The following GALNT13 variants were observed in gnomAD, a reference collection of about 807,000 sequenced individuals.
GALNT13 encodes polypeptide N-acetylgalactosaminyltransferase 13, also known as UDP-GalNAc:polypeptide N-acetylgalactosaminyltransferase 13.
GALNT13 carries 28 observed loss-of-function variants against 64.2 expected under a neutral mutation model. The observed-to-expected ratio is 0.44, with a 90% CI of 0.32 to 0.60. The LOEUF (loss-of-function observed/expected upper bound fraction) is 0.60, where lower values mean the gene tolerates loss of function less well. Among genes scored for constraint, GALNT13 ranks in the 20% least tolerant of loss-of-function variants. The pLI is 0.05. For missense variants in GALNT13, 577 were observed against 669.8 expected (o/e 0.86, Z 1.53); for synonymous variants, 214 against 224.6 (o/e 0.95, Z 0.42).
At chr2:153,875,953 TC>T (rs939693552) in intron 1 of GALNT13, among the ~76,000 whole-genome samples, 2 of 152,134 alleles carry the variant, frequency 1.3e-5, no homozygotes, top group Admixed American at 1.3e-4. Context: ...TGTATTTGTG[TC>T]CCTGTCAGAA....
At chr2:153,838,364 G>T in the GALNT13 span, among the ~76,000 whole-genome samples, 2 of 151,712 alleles carry the variant, frequency 1.3e-5, no homozygotes, top group African/African-American at 4.8e-5. Flanking sequence ...ATTTCTTCTA[G>T]GATTTTTATG....
At chr2:153,786,175 G>T in the GALNT13 span, among the ~76,000 whole-genome samples, 1 of 152,144 alleles carries the variant, frequency 6.6e-6, no homozygotes. Flanking sequence ...TCAATCAGAG[G>T]CAGCCCAGCA....
intron 3 of GALNT13, among the ~76,000 whole-genome samples, chr2:153,952,582 A>C (rs1473328854): frequency 2.0e-5 from 3 of 152,160 alleles, no homozygotes; most frequent in Non-Finnish European, 4.4e-5. Context: ...TTATCATCAC[A>C]GAGGGCAAAA....
chr2:153,431,446 G>A, the GALNT13 span, among the ~76,000 whole-genome samples: 21 of 152,152 alleles, frequency 1.4e-4, no homozygotes, highest in Non-Finnish European at 2.8e-4. Context: ...GATGAGAGCA[G>A]GGACAGAACC....
chr2:154,066,226 A>G (rs1467248726), intron 3 of GALNT13, among the ~76,000 whole-genome samples: 3 of 152,190 alleles, frequency 2.0e-5, no homozygotes, highest in African/African-American at 7.2e-5. Context: ...CACCTACAGG[A>G]TCTAGAAAAT....
chr2:154,286,249 G>T (rs1692259822), intron 8 of GALNT13, among the ~76,000 whole-genome samples: 1 of 152,172 alleles, frequency 6.6e-6, no homozygotes, highest in Non-Finnish European at 1.5e-5. Flanking sequence ...GGGCATTCTT[G>T]TTGCTGACCT....
At chr2:153,858,230 C>A in the GALNT13 span, among the ~76,000 whole-genome samples, 1 of 152,096 alleles carries the variant, frequency 6.6e-6, no homozygotes, top group Admixed American at 6.5e-5. Flanking sequence ...AATGCAAAGG[C>A]CCTAAGGCCC....
the GALNT13 span, among the ~76,000 whole-genome samples, chr2:153,442,908 G>T: frequency 2.0e-5 from 3 of 152,274 alleles, no homozygotes; most frequent in Non-Finnish European, 4.4e-5. Flanking sequence ...TACCAAGCTC[G>T]AGTGTCCCTG....
At chr2:153,537,825 G>C in the GALNT13 span, among the ~76,000 whole-genome samples, 1 of 152,138 alleles carries the variant, frequency 6.6e-6, no homozygotes, top group African/African-American at 2.4e-5. Context: ...TGCCATGATT[G>C]TATGTTTCCT....
chr2:154,220,312 A>G (rs1688259890), intron 4 of GALNT13, among the ~76,000 whole-genome samples: 1 of 152,150 alleles, frequency 6.6e-6, no homozygotes. Context: ...GAGATTAGAA[A>G]GTAGAGAAAG....
intron 3 of GALNT13, among the ~76,000 whole-genome samples, chr2:154,130,396 C>T (rs893526404): frequency 6.6e-6 from 1 of 152,128 alleles, no homozygotes; most frequent in Non-Finnish European, 1.5e-5. Context: ...GCATTCAGCA[C>T]AACCGCCCTC....
At chr2:154,290,513 G>A (rs1338486982) in intron 8 of GALNT13, among the ~76,000 whole-genome samples, 1 of 152,196 alleles carries the variant, frequency 6.6e-6, no homozygotes, top group African/African-American at 2.4e-5. Flanking sequence ...TTAAGCTGGA[G>A]GCGGCTTATT....
the GALNT13 span, among the ~76,000 whole-genome samples, chr2:153,348,622 G>A: frequency 6.6e-6 from 1 of 152,140 alleles, no homozygotes; most frequent in African/African-American, 2.4e-5. Flanking sequence ...ATATATTTTG[G>A]AAAAACATAT....
At chr2:153,762,567 C>G in the GALNT13 span, 1 of 184,874 alleles carries the variant, frequency 5.4e-6, no homozygotes, top group Non-Finnish European at 1.2e-5. Context: ...GGCCAGTTTC[C>G]TATAAGCCTT....
At chr2:153,191,159 C>A in the GALNT13 span, among the ~76,000 whole-genome samples, 2 of 152,018 alleles carry the variant, frequency 1.3e-5, no homozygotes, top group Admixed American at 1.3e-4. Flanking sequence ...CCAGTTCTTA[C>A]AGGAAAGGCT....
chr2:154,454,035 C>T (rs1701972072), downstream of GALNT13, among the ~76,000 whole-genome samples: 1 of 152,064 alleles, frequency 6.6e-6, no homozygotes, highest in Non-Finnish European at 1.5e-5. Flanking sequence ...GTCCAATGGC[C>T]ACTTGAAGGT....
the GALNT13 span, among the ~76,000 whole-genome samples, chr2:153,853,643 G>C: frequency 6.6e-6 from 1 of 151,068 alleles, no homozygotes; most frequent in African/African-American, 2.4e-5. Flanking sequence ...AAATAGGTTG[G>C]ACAAAAGTAA....
At chr2:154,257,601 A>G (rs1262916589) in intron 7 of GALNT13, 3 of 152,290 alleles carry the variant, frequency 2.0e-5, no homozygotes, top group East Asian at 1.9e-4. Context: ...GGAACCCAGC[A>G]AGGCGAAAAG....
At chr2:153,191,889 G>T in the GALNT13 span, among the ~76,000 whole-genome samples, 1 of 151,928 alleles carries the variant, frequency 6.6e-6, no homozygotes, top group Middle Eastern at 3.4e-3. Flanking sequence ...GGTATCTGTG[G>T]TATGAATTGT....
Sources: allele counts gnomAD v4.1 joint callset (sites outside exome capture counted in the v4.1 genomes callset), GRCh38; gene constraint gnomAD v4.1.1; transcripts MANE v1.5; gene names NCBI Gene and HGNC (gene_info 2026-07-23, HGNC 2026-07-21).